LRP4: variants seen among roughly 807,000 people sequenced by gnomAD.
The protein encoded by LRP4 is LDL receptor related protein 4.
Under a neutral mutation model 220.3 loss-of-function variants are expected in LRP4, and 95 were observed. That is an observed-to-expected ratio of 0.43 (90% CI 0.37 to 0.51). The LOEUF is 0.51. LRP4 is among the 20% of genes least tolerant of loss of function. The pLI, the probability that LRP4 is intolerant of heterozygous loss-of-function variation, is 0.00. For synonymous variants in LRP4, 903 were observed against 954.6 expected (o/e 0.95, Z 1.00); for missense variants, 1,925 against 2,567.0 (o/e 0.75, Z 5.40).
chr11:46,883,739 T>C, intron 19 of LRP4, 132 bp downstream of exon 19: 2 of 702,408 alleles, frequency 2.8e-6, no homozygotes, highest in Non-Finnish European at 4.8e-6. Flanking sequence ...AGCCTCTGGT[T>C]TCTACAGCTG....
In LRP4 at chr11:46,874,986, C is replaced by T. The variant is rs1940969409; in HGVS notation, c.4043G>A (p.Cys1348Tyr). 1.9e-6 allele frequency: 3 copies of T among 1,614,046 alleles called. No homozygotes were observed. The highest frequency in any genetic ancestry group is 2.5e-6 in the Non-Finnish European group (3 of 1,180,028). The change falls in exon 28 of 38, where the codon TGT becomes TAT. Residue 1348 changes from cysteine (C) to tyrosine (Y), a missense_variant. Cys to Tyr is a radical substitution (Grantham distance 194). This residue lies in a region of LRP4 where 1,244 missense variants were observed against 1,624.9 expected (regional missense o/e 0.77). Coordinates refer to ENST00000378623, the MANE Select transcript of LRP4 (RefSeq NM_002334.4). The part of the protein sequence containing the change: ...GIQLKGDGKT[C>Y]DPSPETYLLF... Reference sequence around the variant, plus strand: ...CAGGTAGGTCTCAGGAGAGGGATCACAGGTCTTCCCATCTCCCTTCAGCTG... The same window carrying T: ...CAGGTAGGTCTCAGGAGAGGGATCATAGGTCTTCCCATCTCCCTTCAGCTG...
intron 12 of LRP4, 107 bp downstream of exon 12, chr11:46,894,482 A>G (rs897114852): frequency 3.6e-6 from 3 of 831,750 alleles, no homozygotes; most frequent in Non-Finnish European, 6.0e-6. Context: ...CCCTGGAAGA[A>G]AAAGATGTCC....
chr11:46,897,601 T>C (rs1437620145), intron 7 of LRP4, among the ~76,000 whole-genome samples: 20 of 150,200 alleles, frequency 1.3e-4, no homozygotes, highest in Admixed American at 1.3e-3. Context: ...CCTTCAAGCA[T>C]CTGTTTAACA....
rs375652860 is a variant in LRP4 at position 46,869,046 on chromosome 11, C to T, written c.4779G>A (p.Val1593=). The change falls in exon 32 of 38, where the codon GTG becomes GTA. Residue 1593 remains valine, a synonymous_variant. Transcript: ENST00000378623. ...DKYSGRNKET[V]LANVEGLMDI... The stretch of plus-strand genomic sequence containing the variant: ...CCATGAGTCCTTCCACATTTGCCAG[C>T]ACTGTCTCCTTGTTCCGGCCTGAGT... The T allele has an allele frequency of 1.2e-6, 2 of 1,614,062 alleles. No homozygotes were observed. The highest frequency in any genetic ancestry group is 1.7e-6 in the Non-Finnish European group (2 of 1,180,040).
At chr11:46,878,824 T>C in intron 22 of LRP4, 83 bp downstream of exon 22, 1 of 1,588,570 alleles carries the variant, frequency 6.3e-7, no homozygotes, top group Non-Finnish European at 8.6e-7. Context: ...TCAGACCACA[T>C]TGGAGCCCAT....
chr11:46,880,161 A>G (rs1941118119), intron 20 of LRP4, among the ~76,000 whole-genome samples: 1 of 152,118 alleles, frequency 6.6e-6, no homozygotes. Context: ...AGAAAAGCTG[A>G]GGAAATGTTC....
chr11:46,874,756 A>G, intron 28 of LRP4, 44 bp downstream of exon 28: 1 of 1,595,362 alleles, frequency 6.3e-7, no homozygotes, highest in South Asian at 1.1e-5. Context: ...ATGGGCGACC[A>G]GAAGCAAATC....
chr11:46,889,628 T>C, intron 15 of LRP4, 95 bp from the exon 16 acceptor site: 2 of 1,525,400 alleles, frequency 1.3e-6, no homozygotes, highest in Non-Finnish European at 9.0e-7. Flanking sequence ...GATAGTTCCC[T>C]GAAGGGAGAA....
At position 46,869,037 on chromosome 11, in the gene LRP4, A is replaced by G; in HGVS notation, c.4788T>C (p.Asn1596=). 2 of 1,614,104 alleles carry G rather than the reference A, an allele frequency of 1.2e-6. No individual in the cohort carries two copies. Among genetic ancestry groups the G allele is most frequent in the Non-Finnish European group, 1.7e-6 (2 of 1,180,016 alleles). Residue 1596 remains asparagine, a synonymous_variant, in exon 32 of 38, where the codon AAT becomes AAC. Transcript: ENST00000378623. ...SGRNKETVLA[N]VEGLMDIIVV... Reference sequence around the variant, plus strand: ...CGATGATATCCATGAGTCCTTCCACATTTGCCAGCACTGTCTCCTTGTTCC... The same window carrying G: ...CGATGATATCCATGAGTCCTTCCACGTTTGCCAGCACTGTCTCCTTGTTCC...
intron 36 of LRP4, among the ~76,000 whole-genome samples, chr11:46,863,645 G>T (rs1592510595): frequency 6.7e-6 from 1 of 148,604 alleles, no homozygotes; most frequent in East Asian, 2.0e-4. Context: ...TGTAGTTCTA[G>T]CTACTTGGGA....
At chr11:46,887,570 C>A (rs921079350) in intron 16 of LRP4, among the ~76,000 whole-genome samples, 1 of 151,846 alleles carries the variant, frequency 6.6e-6, no homozygotes, top group African/African-American at 2.4e-5. Context: ...CAGTGGCTCA[C>A]GCCTGTAATC....
chr11:46,895,777 G>A (rs185536894), intron 10 of LRP4, 107 bp downstream of exon 10: 15 of 1,498,642 alleles, frequency 1.0e-5, no homozygotes, highest in East Asian at 2.3e-5. Context: ...TTGTGAGGAC[G>A]AAATGAGGTC....
chr11:46,888,791 C>A (rs947602609), intron 16 of LRP4, among the ~76,000 whole-genome samples: 1 of 152,018 alleles, frequency 6.6e-6, no homozygotes, highest in African/African-American at 2.4e-5. Context: ...CCCTGCTGGT[C>A]GTGCCATATG....
Position 46,889,739 on chromosome 11 carries a change from C to T in LRP4, c.2092+205G>A, listed in dbSNP as rs1019940621. On this transcript the variant is annotated intron_variant, in intron 15 of 37. Transcript: ENST00000378623. ...AATGTCTGCCTGAATTAGATGGGAA[C>T]GGTGAAGTCTAATGAATCTTTTCGT... 5.6e-5 allele frequency: 47 copies of T among 834,306 alleles called. No homozygotes were observed. In the Admixed American group the frequency reaches 5.7e-4, roughly 10 times the overall value. 51.7% of individuals were successfully genotyped at this position (834,306 alleles called of 1,614,324 possible). A position where few individuals can be genotyped will look rare whatever the true frequency, so the allele number is the denominator to read the frequency against.
intron 2 of LRP4, among the ~76,000 whole-genome samples, chr11:46,901,671 G>C (rs1941667623): frequency 6.6e-6 from 1 of 152,108 alleles, no homozygotes; most frequent in Non-Finnish European, 1.5e-5. Context: ...ATCCAAGACA[G>C]GTCACCCTGG....
At chr11:46,867,615 C>T in intron 34 of LRP4, among the ~76,000 whole-genome samples, 1 of 152,130 alleles carries the variant, frequency 6.6e-6, no homozygotes, top group Non-Finnish European at 1.5e-5. Context: ...GCATGTGCCA[C>T]CACGCTCAGC....
chr11:46,895,135 G>C (rs1273954610), intron 11 of LRP4, 31 bp downstream of exon 11: 3 of 1,612,836 alleles, frequency 1.9e-6, no homozygotes, highest in Non-Finnish European at 2.5e-6. Flanking sequence ...TCGGCCCTCT[G>C]CCCACCCAGC....
At position 46,894,535 on chromosome 11, in the gene LRP4, G is replaced by A. The variant is rs374926571; in HGVS notation, c.1540+54C>T. ...AAACCACTGGCCTATTCCTCCCACCGTTGCTGCGCATGTGGCATGGCTCTG... is the reference window on the plus strand; with the variant it reads ...AAACCACTGGCCTATTCCTCCCACCATTGCTGCGCATGTGGCATGGCTCTG... On this transcript the variant is annotated intron_variant, in intron 12 of 37. Coordinates refer to ENST00000378623, the MANE Select transcript of LRP4 (RefSeq NM_002334.4). 436 of 1,389,188 alleles carry A rather than the reference G, an allele frequency of 3.1e-4. 5 individuals are homozygous for A. In the East Asian group the frequency reaches 5.0e-3, roughly 16 times the overall value. 86.1% of individuals were successfully genotyped at this position (1,389,188 alleles called of 1,614,324 possible).
chr11:46,898,414 G>T, intron 7 of LRP4, 144 bp downstream of exon 7: 1 of 1,097,178 alleles, frequency 9.1e-7, no homozygotes, highest in Non-Finnish European at 1.4e-6. Context: ...TTGAACTCCT[G>T]ACCTCAAGCA....
Sources: gnomAD v4.1 joint callset for allele counts (sites outside exome capture counted in the v4.1 genomes callset) on GRCh38, gnomAD v4.1.1 for gene constraint, gnomAD v4.1.1 regional missense constraint, MANE v1.5 for transcripts, NCBI Gene and HGNC (gene_info 2026-07-23, HGNC 2026-07-21) for gene names.